ENTPD1: variants seen among roughly 807,000 people sequenced by gnomAD.
The protein encoded by ENTPD1 is ectonucleoside triphosphate diphosphohydrolase 1.
ENTPD1 carries 33 observed loss-of-function variants against 57.0 expected under a neutral mutation model. The ratio of observed to expected loss-of-function variants is 0.58; its 90% CI spans 0.44 to 0.77. The LOEUF (loss-of-function observed/expected upper bound fraction) is 0.77. ENTPD1 is among the 30% of genes least tolerant of loss of function. ENTPD1 has a pLI of 0.00. For synonymous variants in ENTPD1, 202 were observed against 218.8 expected (o/e 0.92, Z 0.68); for missense variants, 501 against 603.4 (o/e 0.83, Z 1.78).
chr10:95,710,544 C>A (rs886448485), upstream of ENTPD1, among the ~76,000 whole-genome samples: 1 of 152,054 alleles, frequency 6.6e-6, no homozygotes, highest in African/African-American at 2.4e-5. Context: ...GTAGCTCTGG[C>A]AGAATTCATC....
At chr10:95,786,382 C>G (rs2098180000) in intron 1 of ENTPD1, among the ~76,000 whole-genome samples, 2 of 152,146 alleles carry the variant, frequency 1.3e-5, no homozygotes, top group Admixed American at 6.6e-5. Flanking sequence ...AGCACAGAGA[C>G]TTCCATATTG....
chr10:95,703,781 CAAAAAA>C, the ENTPD1 span, among the ~76,000 whole-genome samples: 2 of 73,410 alleles, frequency 2.7e-5, no homozygotes, highest in Non-Finnish European at 2.6e-5. Context: ...GACTCTGTCT[CAAAAAA>C]AAAAAAAAAA....
At position 95,800,333 on chromosome 10, in the gene ENTPD1, CA is replaced by C. The variant is rs530337218; in HGVS notation, c.17-22903del. Among the ~76,000 whole-genome samples the C allele has an allele frequency of 4.6e-5, 7 of 152,104 alleles. No individual in the cohort carries two copies. In the South Asian group the frequency reaches 1.5e-3, roughly 32 times the overall value. ...TTTGAAAGGGGAGGGGGTGTATGAA[CA>C]GGGAGTAAGTCACAAAGATCACATG... On this transcript the variant is annotated intron_variant, in intron 1 of 9. Coordinates refer to ENST00000371205, the MANE Select transcript of ENTPD1 (RefSeq NM_001776.6).
upstream of ENTPD1, among the ~76,000 whole-genome samples, chr10:95,707,939 A>C (rs2097963168): frequency 6.6e-6 from 1 of 152,114 alleles, no homozygotes; most frequent in African/African-American, 2.4e-5. Context: ...CTATATATAC[A>C]TTTGATTTAT....
intron 1 of ENTPD1, among the ~76,000 whole-genome samples, chr10:95,811,088 T>C (rs970632535): frequency 2.0e-5 from 3 of 152,222 alleles, no homozygotes; most frequent in Non-Finnish European, 4.4e-5. Flanking sequence ...TGCATGACCA[T>C]ATCTTATCCA....
chr10:95,708,529 G>A (rs1183594582), upstream of ENTPD1, among the ~76,000 whole-genome samples: 1 of 152,116 alleles, frequency 6.6e-6, no homozygotes, highest in East Asian at 1.9e-4. Flanking sequence ...TTAACTTCTT[G>A]ATAGCTATTC....
At chr10:95,866,141 C>T in intron 9 of ENTPD1, 36 bp from the exon 10 acceptor site, 1 of 1,596,710 alleles carries the variant, frequency 6.3e-7, no homozygotes, top group Non-Finnish European at 8.5e-7. Context: ...CTTCTAACTC[C>T]TCCAACCACA....
At chr10:95,725,313 C>T (rs563380237) in intron 1 of ENTPD1, among the ~76,000 whole-genome samples, 1 of 152,032 alleles carries the variant, frequency 6.6e-6, no homozygotes, top group African/African-American at 2.4e-5. Flanking sequence ...CTGCTAAATC[C>T]TATATATCTG....
chr10:95,864,670 C>A, intron 8 of ENTPD1, 54 bp from the exon 9 acceptor site: 1 of 1,611,120 alleles, frequency 6.2e-7, no homozygotes, highest in Middle Eastern at 1.7e-4. Context: ...AAAAAGAGGG[C>A]CACAGAGAGG....
intron 8 of ENTPD1, among the ~76,000 whole-genome samples, chr10:95,863,610 T>C (rs965648499): frequency 4.6e-5 from 7 of 152,350 alleles, no homozygotes; most frequent in South Asian, 2.1e-4. Context: ...AGTCTAGTTA[T>C]GGACTTATCC....
At chr10:95,759,218 T>C (rs1047292516) in intron 1 of ENTPD1, among the ~76,000 whole-genome samples, 1 of 152,230 alleles carries the variant, frequency 6.6e-6, no homozygotes, top group Non-Finnish European at 1.5e-5. Context: ...CACTGGTACA[T>C]ATAGATCTTT....
chr10:95,713,602 C>T (rs1337675932), intron 1 of ENTPD1, among the ~76,000 whole-genome samples: 1 of 152,224 alleles, frequency 6.6e-6, no homozygotes. Context: ...GGTTTGATTC[C>T]TTGTCAGAGA....
At chr10:95,865,678 C>T (rs1349033369) in intron 9 of ENTPD1, among the ~76,000 whole-genome samples, 1 of 152,186 alleles carries the variant, frequency 6.6e-6, no homozygotes, top group African/African-American at 2.4e-5. Context: ...TCCAGACTTC[C>T]TTTAATTCCA....
chr10:95,863,993 G>A (rs909254022), intron 8 of ENTPD1, among the ~76,000 whole-genome samples: 2 of 152,150 alleles, frequency 1.3e-5, no homozygotes, highest in Non-Finnish European at 2.9e-5. Flanking sequence ...CAACAGCTAG[G>A]CTAGGTAAGG....
intron 1 of ENTPD1, among the ~76,000 whole-genome samples, chr10:95,732,291 G>C (rs1260260398): frequency 2.0e-5 from 3 of 152,118 alleles, no homozygotes; most frequent in Non-Finnish European, 4.4e-5. Flanking sequence ...TTCTGCCCTA[G>C]CTGTATTCTT....
intron 1 of ENTPD1, among the ~76,000 whole-genome samples, chr10:95,719,166 T>A (rs1405618358): frequency 6.6e-6 from 1 of 152,262 alleles, no homozygotes; most frequent in East Asian, 1.9e-4. Flanking sequence ...CTTTTGCCAC[T>A]ACATCAATTT....
intron 2 of ENTPD1, among the ~76,000 whole-genome samples, chr10:95,825,381 T>C (rs2098371049): frequency 6.6e-6 from 1 of 152,204 alleles, no homozygotes; most frequent in South Asian, 2.1e-4. Context: ...AAAAAAACTT[T>C]TTTTCTTGCA....
At chr10:95,779,169 C>G (rs78650930) in intron 1 of ENTPD1, among the ~76,000 whole-genome samples, 10 of 152,128 alleles carry the variant, frequency 6.6e-5, no homozygotes, top group African/African-American at 2.4e-4. Flanking sequence ...TTCCCTTTAC[C>G]TTTCCACTGT....
intron 1 of ENTPD1, among the ~76,000 whole-genome samples, chr10:95,810,179 T>TTGG (rs2098298304): frequency 3.6e-5 from 1 of 27,882 alleles, no homozygotes; most frequent in Non-Finnish European, 7.2e-5. Context: ...CCCGGACGGG[T>TTGG]TGGCCGGGCA....
Sources: gnomAD v4.1 joint callset for allele counts (sites outside exome capture counted in the v4.1 genomes callset) on GRCh38, gnomAD v4.1.1 for gene constraint, MANE v1.5 for transcripts, NCBI Gene and HGNC (gene_info 2026-07-23, HGNC 2026-07-21) for gene names.